The following MYO10 variants were observed in gnomAD, a reference collection of about 807,000 sequenced individuals.
The protein encoded by MYO10 is myosin X.
MYO10 carries 133 observed loss-of-function variants against 257.3 expected under a neutral mutation model. The observed-to-expected ratio is 0.52, with a 90% CI of 0.45 to 0.60. The LOEUF is 0.60. Ranked by LOEUF, MYO10 falls within the 20% of genes least tolerant of loss-of-function variation. The probability of loss-of-function intolerance (pLI) is 0.00; values close to 1 mark genes in which losing one functional copy is unlikely to be tolerated. For synonymous variants in MYO10, 1,104 were observed against 1,028.6 expected (o/e 1.07, Z -1.40); for missense variants, 2,399 against 2,635.7 (o/e 0.91, Z 1.97).
intron 4 of MYO10, 142 bp downstream of exon 4, chr5:16,794,504 T>TTCAAAACAGAAAACTCTGTCGGAGAAAC: frequency 1.3e-6 from 1 of 750,688 alleles, no homozygotes; most frequent in Non-Finnish European, 2.0e-6. Context: ...TACCATGCCA[T>TTCAAAACAGAAAACTCTGTCGGAGAAAC]TCAAAACAGA....
intron 28 of MYO10, among the ~76,000 whole-genome samples, chr5:16,688,440 C>T (rs1433322347): frequency 4.6e-5 from 7 of 152,066 alleles, no homozygotes; most frequent in East Asian, 3.9e-4. Flanking sequence ...ATGTTACCCT[C>T]GTAAATTAAA....
At position 16,770,799 on chromosome 5, in the gene MYO10, C is replaced by T. The variant is rs11948537; in HGVS notation, c.931-1596G>A. Among the ~76,000 whole-genome samples, 528 of 152,320 alleles carry T rather than the reference C, an allele frequency of 3.5e-3. 1 individual carries two copies. Among genetic ancestry groups the T allele is most frequent in the African/African-American group, 0.012 (494 of 41,580 alleles). On this transcript the variant is annotated intron_variant, in intron 9 of 40. Transcript: ENST00000513610. The stretch of plus-strand genomic sequence containing the variant: ...TTGTTTTCTTTCTGAGATGGAGTTT[C>T]GCTGTTTCGCCCAGCCTGGGGTGCA...
intron 21 of MYO10, chr5:16,710,556 T>G: frequency 7.8e-6 from 2 of 257,218 alleles, no homozygotes; most frequent in Non-Finnish European, 1.5e-5. Context: ...GTTAGAAGGG[T>G]CTTGGGGTAT....
intron 4 of MYO10, among the ~76,000 whole-genome samples, chr5:16,788,504 A>G (rs1579991773): frequency 6.6e-6 from 1 of 152,112 alleles, no homozygotes; most frequent in Admixed American, 6.6e-5. Context: ...CTACTGGCTG[A>G]GAATAGGAGG....
intron 17 of MYO10, among the ~76,000 whole-genome samples, chr5:16,761,067 T>C (rs1579960096): frequency 1.3e-5 from 2 of 152,140 alleles, no homozygotes; most frequent in East Asian, 3.8e-4. Flanking sequence ...CTTGGGTCAC[T>C]GCAACCTCCA....
intron 1 of MYO10, among the ~76,000 whole-genome samples, chr5:16,900,671 C>T (rs760041485): frequency 6.6e-6 from 1 of 151,960 alleles, no homozygotes; most frequent in Non-Finnish European, 1.5e-5. Flanking sequence ...CCAAACCCAC[C>T]CCATCCCTCT....
At chr5:16,812,473 G>A (rs115916225) in intron 3 of MYO10, among the ~76,000 whole-genome samples, 39 of 152,254 alleles carry the variant, frequency 2.6e-4, no homozygotes, top group African/African-American at 9.1e-4. Context: ...AGGTTCAGGG[G>A]CTTCATAAGC....
intron 1 of MYO10, among the ~76,000 whole-genome samples, chr5:16,922,681 T>C (rs1477136639): frequency 6.6e-6 from 1 of 151,824 alleles, no homozygotes; most frequent in African/African-American, 2.4e-5. Context: ...TACTCTAGGG[T>C]TGTAGTTTCG....
intron 1 of MYO10, among the ~76,000 whole-genome samples, chr5:16,892,840 C>T (rs183230669): frequency 6.6e-6 from 1 of 152,168 alleles, no homozygotes; most frequent in Non-Finnish European, 1.5e-5. Context: ...ACCAACGCAC[C>T]ACAGTTTCTC....
chr5:16,891,889 T>C (rs181402098), intron 1 of MYO10, among the ~76,000 whole-genome samples: 6 of 152,326 alleles, frequency 3.9e-5, no homozygotes, highest in African/African-American at 1.4e-4. Context: ...TCAGAAAACA[T>C]CTAGAAAGCA....
chr5:16,825,846 C>T (rs1490123426), intron 2 of MYO10, among the ~76,000 whole-genome samples: 1 of 151,432 alleles, frequency 6.6e-6, no homozygotes, highest in African/African-American at 2.4e-5. Context: ...GAGACCCTGT[C>T]TCAAAAAACA....
At chr5:16,767,333 G>A (rs186833490) in intron 10 of MYO10, among the ~76,000 whole-genome samples, 54 of 152,010 alleles carry the variant, frequency 3.6e-4, no homozygotes, top group African/African-American at 1.1e-3. Context: ...ACCAAGCCCG[G>A]CTAATTTTTG....
At chr5:16,866,055 AC>A (rs1245443020) in intron 2 of MYO10, among the ~76,000 whole-genome samples, 86 of 150,606 alleles carry the variant, frequency 5.7e-4, no homozygotes, top group Admixed American at 1.3e-3. Flanking sequence ...ACACACACAC[AC>A]ACAAAACAAT....
chr5:16,756,111 C>T (rs1337643414), intron 18 of MYO10, among the ~76,000 whole-genome samples: 1 of 152,048 alleles, frequency 6.6e-6, no homozygotes, highest in Non-Finnish European at 1.5e-5. Context: ...CTCATTCTGC[C>T]ACCCAGGCTG....
In MYO10 at chr5:16,701,746, T is replaced by C; in HGVS notation, c.2649A>G (p.Glu883=). ...ELTRELEKQK[E]NKQVEEILRL... ...GGAGGATCTCTTCCACCTGCTTATT[T>C]TCCTTCTGTTTCTCCAGTTCACGGG... is the stretch of plus-strand genomic sequence containing the variant. The change falls in exon 25 of 41, where the codon GAA becomes GAG. Residue 883 remains glutamate (E), a synonymous_variant. Coordinates refer to ENST00000513610, the MANE Select transcript of MYO10 (RefSeq NM_012334.3). This position sits in a 1 kb window ranked among gnomAD's most constrained non-coding sequence, Gnocchi z 8.1. The C allele has an allele frequency of 6.2e-7, 1 of 1,614,028 alleles. No homozygotes were observed. The highest frequency in any genetic ancestry group is 8.5e-7 in the Non-Finnish European group (1 of 1,179,898).
intron 19 of MYO10, among the ~76,000 whole-genome samples, chr5:16,751,371 C>A (rs1276611309): frequency 6.6e-6 from 1 of 152,206 alleles, no homozygotes; most frequent in Non-Finnish European, 1.5e-5. Context: ...GCTAATCGAG[C>A]CATAGCTATC....
intron 33 of MYO10, among the ~76,000 whole-genome samples, chr5:16,677,782 C>T (rs1477365923): frequency 2.0e-5 from 3 of 148,304 alleles, no homozygotes; most frequent in Non-Finnish European, 3.0e-5. Context: ...TTTTTGCAGA[C>T]AGAGTTTCGC....
intron 3 of MYO10, among the ~76,000 whole-genome samples, chr5:16,799,495 AC>A (rs1742057700): frequency 8.9e-6 from 1 of 112,908 alleles, no homozygotes; most frequent in South Asian, 3.4e-4. Flanking sequence ...GAAGAGAAAT[AC>A]TTTTTTTTTT....
intron 2 of MYO10, 85 bp downstream of exon 2, chr5:16,877,523 TA>T: frequency 2.0e-6 from 2 of 995,162 alleles, no homozygotes; most frequent in Non-Finnish European, 3.1e-6. Context: ...TGTGTATGTG[TA>T]GGGGGGCCAA....
Sources: allele counts gnomAD v4.1 joint callset (sites outside exome capture counted in the v4.1 genomes callset), GRCh38; gene constraint gnomAD v4.1.1; non-coding constraint Gnocchi (gnomAD v3.1); transcripts MANE v1.5; gene names NCBI Gene and HGNC (gene_info 2026-07-23, HGNC 2026-07-21).